Variants in ALDH1A1 observed in about 807,000 individuals in gnomAD.
ALDH1A1 encodes aldehyde dehydrogenase 1 family member A1.
ALDH1A1 carries 19 observed loss-of-function variants against 62.1 expected under a neutral mutation model. That is an observed-to-expected ratio of 0.31 (90% CI 0.21 to 0.45). The LOEUF (loss-of-function observed/expected upper bound fraction) is 0.45, where lower values mean the gene tolerates loss of function less well. Among genes scored for constraint, ALDH1A1 ranks in the 20% least tolerant of loss-of-function variants. ALDH1A1 has a pLI of 1.00. For missense variants in ALDH1A1, 521 were observed against 607.1 expected, an observed-to-expected ratio of 0.86 and a Z score of 1.49; for synonymous variants, 231 against 215.9, an observed-to-expected ratio of 1.07 and a Z score of -0.61.
chr9:72,919,394 C>T (rs1830107062), intron 7 of ALDH1A1, among the ~76,000 whole-genome samples: 1 of 152,108 alleles, frequency 6.6e-6, no homozygotes, highest in South Asian at 2.1e-4. Flanking sequence ...CCACCCCAAC[C>T]TGGACTGCCT....
rs982661186 is a variant in ALDH1A1, at chr9:72,951,279, G to C, written c.66+1656C>G. On this transcript the variant is annotated intron_variant, in intron 1 of 12. Coordinates refer to ENST00000297785, the MANE Select transcript of ALDH1A1 (RefSeq NM_000689.5). ...ATCTCTCTGTGTTAAGGGTTCATTA[G>C]GTCTGTGCTTGTATGTTAGATTTTT... is the stretch of plus-strand genomic sequence containing the variant. Among the ~76,000 whole-genome samples the C allele has an allele frequency of 4.0e-5, 6 of 151,886 alleles. No homozygotes were observed. In the East Asian group the frequency reaches 1.2e-3, roughly 29 times the overall value.
intron 1 of ALDH1A1, among the ~76,000 whole-genome samples, chr9:72,949,249 T>C (rs1029505767): frequency 6.6e-6 from 1 of 151,930 alleles, no homozygotes; most frequent in African/African-American, 2.4e-5. Flanking sequence ...GTTCTCTTTT[T>C]CTAAGTTGGC....
intron 10 of ALDH1A1, among the ~76,000 whole-genome samples, chr9:72,911,527 A>C (rs770603692): frequency 2.0e-5 from 3 of 152,110 alleles, no homozygotes; most frequent in Admixed American, 6.5e-5. Context: ...CCACTCCCCC[A>C]AGCCCCTGGT....
intron 2 of ALDH1A1, among the ~76,000 whole-genome samples, chr9:72,939,038 C>T (rs538559224): frequency 5.3e-5 from 8 of 152,224 alleles, no homozygotes; most frequent in African/African-American, 1.7e-4. Flanking sequence ...CCACTGCGCC[C>T]GGCCAACCCT....
chr9:72,929,922 G>A (rs1830259389), intron 3 of ALDH1A1, among the ~76,000 whole-genome samples: 1 of 152,074 alleles, frequency 6.6e-6, no homozygotes, highest in Non-Finnish European at 1.5e-5. Flanking sequence ...CTTCCTACAG[G>A]TCATTTTTAT....
At position 72,906,122 on chromosome 9, in the gene ALDH1A1, T is replaced by A. The variant is rs145994622; in HGVS notation, c.1359-90A>T. On this transcript the variant is annotated intron_variant, in intron 11 of 12. Transcript: ENST00000297785. The stretch of plus-strand genomic sequence containing the variant: ...AGTTTTAGAAATTTGGAAAGCTCCT[T>A]ACAAACTCCATTAATTTCATTATAA... 1.9e-4 allele frequency: 165 copies of A among 873,138 alleles called. No individual in the cohort carries two copies. In the African/African-American group the frequency reaches 2.5e-3, roughly 13 times the overall value. The allele number at this position is 873,138 out of a possible 1,614,324, so 54.1% of individuals were successfully genotyped here.
At chr9:72,952,390 T>C (rs2118591200) in intron 1 of ALDH1A1, among the ~76,000 whole-genome samples, 1 of 152,186 alleles carries the variant, frequency 6.6e-6, no homozygotes, top group Middle Eastern at 3.4e-3. Context: ...GAAGAAATAA[T>C]GCTTTTCTTC....
chr9:72,951,680 A>G (rs1200238307), intron 1 of ALDH1A1, among the ~76,000 whole-genome samples: 1 of 151,968 alleles, frequency 6.6e-6, no homozygotes, highest in Non-Finnish European at 1.5e-5. Context: ...CCTTTTGGAC[A>G]TACCTTTGCC....
At chr9:72,913,837 C>A (rs905693550) in intron 9 of ALDH1A1, among the ~76,000 whole-genome samples, 2 of 152,134 alleles carry the variant, frequency 1.3e-5, no homozygotes, top group South Asian at 4.1e-4. Flanking sequence ...CTACTGAATC[C>A]CCGGGCACAG....
chr9:72,943,956 A>C (rs138116503), intron 1 of ALDH1A1, among the ~76,000 whole-genome samples: 317 of 152,188 alleles, frequency 2.1e-3, no homozygotes, highest in Admixed American at 5.1e-3. Context: ...GAAGGAAAAA[A>C]AAAGAGTAAA....
chr9:72,936,838 G>A (rs568601038), intron 2 of ALDH1A1, among the ~76,000 whole-genome samples: 8 of 152,182 alleles, frequency 5.3e-5, no homozygotes, highest in South Asian at 2.1e-4. Flanking sequence ...AAATGTTAAC[G>A]CTTGAGAGGA....
intron 12 of ALDH1A1, among the ~76,000 whole-genome samples, 173 bp downstream of exon 12, chr9:72,905,785 C>A (rs1829870898): frequency 6.6e-6 from 1 of 152,074 alleles, no homozygotes; most frequent in Non-Finnish European, 1.5e-5. Flanking sequence ...TCTGCAATCA[C>A]CTTTTGCACT....
At chr9:72,944,144 G>C (rs1174017713) in intron 1 of ALDH1A1, among the ~76,000 whole-genome samples, 3 of 152,008 alleles carry the variant, frequency 2.0e-5, no homozygotes, top group African/African-American at 7.2e-5. Context: ...TAAAAAGGGA[G>C]AGAGACCAGA....
chr9:72,932,957 C>T lies in ALDH1A1; in HGVS notation c.172-1938G>A, dbSNP rs115381614. 3.6e-3 allele frequency among the ~76,000 whole-genome samples: 544 copies of T among 152,244 alleles called. 5 individuals are homozygous for T. The highest frequency in any genetic ancestry group is 0.012 in the African/African-American group (512 of 41,530). On this transcript the variant is annotated intron_variant, in intron 2 of 12. Coordinates refer to ENST00000297785, the MANE Select transcript of ALDH1A1 (RefSeq NM_000689.5). ...GGGATCTTGGCCTCCCAAAGGGATA[C>T]GGAGAACTGGCTTCAAGATAAGTAA...
intron 12 of ALDH1A1, among the ~76,000 whole-genome samples, chr9:72,902,481 C>T (rs971015578): frequency 6.6e-6 from 1 of 151,910 alleles, no homozygotes; most frequent in African/African-American, 2.4e-5. Context: ...TTTGAAAATA[C>T]CTTTTAAAAG....
At position 72,909,766 on chromosome 9, in the gene ALDH1A1, C is replaced by T. The variant is rs1300254813; in HGVS notation, c.1201-7G>A. The T allele has an allele frequency of 1.3e-6, 2 of 1,591,716 alleles. No homozygotes were observed. Among genetic ancestry groups the T allele is most frequent in the Non-Finnish European group, 8.6e-7 (1 of 1,168,302 alleles). ...GCTGCACTGGTCCAAAAATCTATAC[C>T]ACAAGAAATAAATAAGTAAAAATAA... On this transcript the variant is annotated splice_region_variant and splice_polypyrimidine_tract_variant and intron_variant, in intron 10 of 12. Transcript: ENST00000297785.
intron 11 of ALDH1A1, among the ~76,000 whole-genome samples, chr9:72,908,552 GAAGA>G (rs141763068): frequency 0.073 from 6,724 of 91,498 alleles, 300 homozygotes; most frequent in South Asian, 0.089. Flanking sequence ...AGAAAAGAAA[GAAGA>G]AAGAAAGAAA....
At chr9:72,942,349 G>GT (rs1203297541) in intron 1 of ALDH1A1, 5 of 985,242 alleles carry the variant, frequency 5.1e-6, no homozygotes, top group Non-Finnish European at 4.8e-6. Flanking sequence ...TCACCCCAAA[G>GT]TTCTGAAGCT....
intron 5 of ALDH1A1, among the ~76,000 whole-genome samples, chr9:72,926,340 A>G (rs1247851732): frequency 6.6e-6 from 1 of 152,246 alleles, no homozygotes; most frequent in Non-Finnish European, 1.5e-5. Flanking sequence ...ATTAATAAGC[A>G]ATTTCACTAA....
Sources: allele counts gnomAD v4.1 joint callset (sites outside exome capture counted in the v4.1 genomes callset), GRCh38; gene constraint gnomAD v4.1.1; transcripts MANE v1.5; gene names NCBI Gene and HGNC (gene_info 2026-07-23, HGNC 2026-07-21).